Variants in DHX30 observed in about 807,000 individuals in gnomAD.
The protein encoded by DHX30 is DExH-box helicase 30.
DHX30 carries 4 observed loss-of-function variants against 116.9 expected under a neutral mutation model. The ratio of observed to expected loss-of-function variants is 0.03; its 90% CI spans 0.02 to 0.08. The LOEUF (loss-of-function observed/expected upper bound fraction) is 0.08. Ranked by LOEUF, DHX30 falls within the 10% of genes least tolerant of loss-of-function variation. DHX30 has a pLI of 1.00. For missense variants in DHX30, 871 were observed against 1,595.1 expected, an observed-to-expected ratio of 0.55 and a Z score of 7.73; for synonymous variants, 697 against 651.7, an observed-to-expected ratio of 1.07 and a Z score of -1.06.
chr3:47,827,513 G>A (rs2036600784), intron 5 of DHX30, 36 bp downstream of exon 5: 2 of 1,595,234 alleles, frequency 1.3e-6, no homozygotes, highest in Non-Finnish European at 8.5e-7. Context: ...ACATTGGTAT[G>A]ACTCAGAAAG....
chr3:47,843,382 A>T, intron 9 of DHX30, 127 bp downstream of exon 9: 1 of 1,311,960 alleles, frequency 7.6e-7, no homozygotes, highest in Non-Finnish European at 1.0e-6. Flanking sequence ...TGGCACAAAG[A>T]CAGCTGGTAT....
chr3:47,809,851 A>G (rs2035712537), intron 2 of DHX30, among the ~76,000 whole-genome samples: 1 of 151,634 alleles, frequency 6.6e-6, no homozygotes, highest in Admixed American at 6.6e-5. Context: ...AACAAAGTCC[A>G]TTTAAGGTTA....
At position 47,846,755 on chromosome 3, in the gene DHX30, G is replaced by A. The variant is rs1307299646; in HGVS notation, c.1683G>A (p.Val561=). ...EGVSHVIVDE[V]HERDVNTDFL... ...TGAGCCACGTCATCGTGGATGAGGTGCATGAGCGGGACGTGAACACAGACT... is the reference window on the plus strand; with the variant it reads ...TGAGCCACGTCATCGTGGATGAGGTACATGAGCGGGACGTGAACACAGACT... The change falls in exon 11 of 22, where the codon GTG becomes GTA. Residue 561 remains valine (V), a synonymous_variant. Coordinates refer to ENST00000445061, the MANE Select transcript of DHX30 (RefSeq NM_138615.3). 1 of 1,613,992 alleles carries A rather than the reference G, an allele frequency of 6.2e-7. No individual in the cohort carries two copies. The highest frequency in any genetic ancestry group is 1.1e-5 in the South Asian group (1 of 91,090).
Position 47,849,711 on chromosome 3 carries a change from C to G in DHX30, c.3273C>G (p.Ser1091=), listed in dbSNP as rs1372368366. Residue 1091 remains serine (S), a synonymous_variant, in exon 21 of 22, where the codon TCC becomes TCG. Coordinates refer to ENST00000445061, the MANE Select transcript of DHX30 (RefSeq NM_138615.3). ...KSNGSVFVRD[S]SQVHPLAVLL... ...ATGGCAGCGTCTTCGTCCGGGACTC[C>G]TCTCAGGTGCACCCGCTAGCTGTGC... 5 of 1,614,030 alleles carry G rather than the reference C, an allele frequency of 3.1e-6. No individual in the cohort carries two copies. Among genetic ancestry groups the G allele is most frequent in the Non-Finnish European group, 4.2e-6 (5 of 1,180,042 alleles).
chr3:47,809,234 C>CTTTTTTTTTT (rs71070231), intron 2 of DHX30, among the ~76,000 whole-genome samples: 2 of 63,530 alleles, frequency 3.1e-5, no homozygotes, highest in Non-Finnish European at 5.0e-5. Flanking sequence ...AATGTAACTT[C>CTTTTTTTTTT]TTTTTTTTTT....
intron 3 of DHX30, among the ~76,000 whole-genome samples, chr3:47,811,442 T>C (rs928435923): frequency 6.6e-6 from 1 of 152,138 alleles, no homozygotes; most frequent in Non-Finnish European, 1.5e-5. Context: ...CAGGGCCTGT[T>C]GTGTGCTTTT....
At chr3:47,827,324 T>C in intron 4 of DHX30, 23 bp from the exon 5 acceptor site, 2 of 1,592,198 alleles carry the variant, frequency 1.3e-6, no homozygotes, top group African/African-American at 1.4e-5. Context: ...ACAACTGTAA[T>C]GCTTTTGTTC....
chr3:47,843,897 T>C (rs764997142), intron 9 of DHX30, among the ~76,000 whole-genome samples: 3 of 152,234 alleles, frequency 2.0e-5, no homozygotes, highest in Non-Finnish European at 4.4e-5. Context: ...GACAAGGGTC[T>C]CACTGTGTTG....
rs10683438 is a variant in DHX30 at position 47,829,314 on chromosome 3, ATTTT to A, written c.366+193_366+196del. ...TATATATATATATATATATATATAT[ATTTT>A]TTTTTTTTTTTTCCTGTGTTTTTGG... is the stretch of plus-strand genomic sequence containing the variant. On this transcript the variant is annotated intron_variant, in intron 6 of 21. Transcript: ENST00000445061. Among the ~76,000 whole-genome samples, 124 of 34,188 alleles carry A rather than the reference ATTTT, an allele frequency of 3.6e-3. 2 individuals are homozygous for A. Among genetic ancestry groups the A allele is most frequent in the African/African-American group, 0.014 (121 of 8,856 alleles). 22.4% of individuals were successfully genotyped at this position (34,188 alleles called of 152,430 possible). A position where few individuals can be genotyped will look rare whatever the true frequency, so the allele number is the denominator to read the frequency against.
At chr3:47,825,079 A>G (rs768466023) in intron 4 of DHX30, 6 of 668,396 alleles carry the variant, frequency 9.0e-6, no homozygotes, top group South Asian at 3.1e-5. Context: ...GGCCGCCGGC[A>G]TCTCTCCGCG....
At chr3:47,812,195 C>A (rs2035826049) in intron 3 of DHX30, among the ~76,000 whole-genome samples, 1 of 151,218 alleles carries the variant, frequency 6.6e-6, no homozygotes, top group Non-Finnish European at 1.5e-5. Flanking sequence ...CCATTGCACT[C>A]CAGCCTGGGC....
Position 47,848,393 on chromosome 3 carries a change from C to CGGGGCGGGGCAGGGGCTGGCCTGG in DHX30, c.2493+10_2493+33dup. The CGGGGCGGGGCAGGGGCTGGCCTGG allele has an allele frequency of 6.2e-7, 1 of 1,613,868 alleles. No homozygotes were observed. The highest frequency in any genetic ancestry group is 8.5e-7 in the Non-Finnish European group (1 of 1,179,958). ...CCACATGCCTGAGAAGACGGTGCGGCGGGGCGGGGCAGGGGCTGGCCTGGG... is the reference window on the plus strand; with the variant it reads ...CCACATGCCTGAGAAGACGGTGCGGCGGGGCGGGGCAGGGGCTGGCCTGGGGGGCGGGGCAGGGGCTGGCCTGGG... On this transcript the variant is annotated splice_region_variant and intron_variant, in intron 15 of 21. Coordinates refer to ENST00000445061, the MANE Select transcript of DHX30 (RefSeq NM_138615.3). The surrounding 1 kb of genome is among the most constrained non-coding windows in gnomAD (Gnocchi z 9.4).
At chr3:47,830,927 G>C (rs2036818695) in intron 6 of DHX30, 1 of 152,084 alleles carries the variant, frequency 6.6e-6, no homozygotes, top group Admixed American at 6.6e-5. Flanking sequence ...GCTCTGACAA[G>C]AAAAAGCCAC....
chr3:47,848,737 C>T lies in DHX30; in HGVS notation c.2689C>T (p.His897Tyr). The change falls in exon 17 of 22, where the codon CAC becomes TAC. Residue 897 changes from histidine to tyrosine, a missense_variant. Transcript: ENST00000445061. This position sits in a 1 kb window ranked among gnomAD's most constrained non-coding sequence, Gnocchi z 9.4. ...GTTGGCTGCCATCTTCCGTTGCCTG[C>T]ACCCACTACTGGTGGTCGTTTCCTG... ...IVLAAIFRCLHPLLVVVSCLT... is the reference protein window; with the variant it reads ...IVLAAIFRCLYPLLVVVSCLT... 1 of 1,614,188 alleles carries T rather than the reference C, an allele frequency of 6.2e-7. No homozygotes were observed. The highest frequency in any genetic ancestry group is 2.2e-5 in the East Asian group (1 of 44,880).
chr3:47,827,281 T>C, intron 4 of DHX30, 66 bp from the exon 5 acceptor site: 1 of 1,512,592 alleles, frequency 6.6e-7, no homozygotes, highest in Non-Finnish European at 8.9e-7. Flanking sequence ...GTTGCCCTGA[T>C]ACACACCCCA....
At chr3:47,816,842 A>G (rs2036080879) in intron 3 of DHX30, 1 of 985,168 alleles carries the variant, frequency 1.0e-6, no homozygotes, top group Non-Finnish European at 1.2e-6. Context: ...ATACTGAAAC[A>G]TTGAAGAAAT....
At chr3:47,834,206 C>T (rs1225759819) in intron 6 of DHX30, among the ~76,000 whole-genome samples, 3 of 152,064 alleles carry the variant, frequency 2.0e-5, no homozygotes, top group Non-Finnish European at 4.4e-5. Context: ...TAGGTCCAAG[C>T]AATTCTCATG....
chr3:47,847,677 G>T lies in DHX30; in HGVS notation c.2111-104G>T. 6.7e-7 allele frequency: 1 copy of T among 1,489,578 alleles called. No individual in the cohort carries two copies. 92.3% of individuals were successfully genotyped at this position (1,489,578 alleles called of 1,614,324 possible). A position where few individuals can be genotyped will look rare whatever the true frequency, so the allele number is the denominator to read the frequency against. ...TTCACTGGGCATAGTGTTTATCTGC[G>T]CCTGTTTCATCAAAATGGGGTCAAA... On this transcript the variant is annotated intron_variant, in intron 13 of 21. Transcript: ENST00000445061. The surrounding 1 kb of genome is among the most constrained non-coding windows in gnomAD (Gnocchi z 5.5).
intron 2 of DHX30, among the ~76,000 whole-genome samples, chr3:47,810,402 C>T (rs1191457976): frequency 6.6e-6 from 1 of 152,162 alleles, no homozygotes. Flanking sequence ...AAATGCATCT[C>T]CCTCTGTTTA....
Sources: allele counts gnomAD v4.1 joint callset (sites outside exome capture counted in the v4.1 genomes callset), GRCh38; gene constraint gnomAD v4.1.1; non-coding constraint Gnocchi (gnomAD v3.1); transcripts MANE v1.5; gene names NCBI Gene and HGNC (gene_info 2026-07-23, HGNC 2026-07-21).